The following NAV3 variants were observed in gnomAD, a reference collection of about 807,000 sequenced individuals.
The protein encoded by NAV3 is neuron navigator 3, also known as pore membrane and/or filament interacting like protein 1.
A neutral mutation model predicts 244.7 loss-of-function variants in NAV3; 87 were observed. The observed-to-expected ratio is 0.36, with a 90% confidence interval of 0.30 to 0.42. NAV3 has a LOEUF of 0.42. Among genes scored for constraint, NAV3 ranks in the 20% least tolerant of loss-of-function variants. NAV3 has a pLI of 1.00. For missense variants in NAV3, 2,663 were observed against 2,893.3 expected (o/e 0.92, Z 1.83); for synonymous variants, 1,126 against 1,042.2 (o/e 1.08, Z -1.55).
intron 2 of NAV3, among the ~76,000 whole-genome samples, chr12:77,603,644 T>A (rs1007116129): frequency 3.9e-5 from 6 of 152,110 alleles, no homozygotes; most frequent in Non-Finnish European, 8.8e-5. Context: ...AAGATGTAGA[T>A]CTGCTTTCAG....
intron 2 of NAV3, among the ~76,000 whole-genome samples, chr12:77,668,057 G>C (rs1280165358): frequency 6.6e-6 from 1 of 152,176 alleles, no homozygotes; most frequent in Non-Finnish European, 1.5e-5. Context: ...CTGCAGTTTG[G>C]CTCTCAGGAA....
At chr12:77,648,680 A>G (rs711125) in intron 2 of NAV3, among the ~76,000 whole-genome samples, 24,833 of 151,998 alleles carry the variant, frequency 0.16, 3,221 homozygotes, top group African/African-American at 0.36. Context: ...AAAGTTGGTG[A>G]CAATTTATTT....
chr12:77,797,251 G>A (rs1460102194), intron 2 of NAV3, among the ~76,000 whole-genome samples: 1 of 152,078 alleles, frequency 6.6e-6, no homozygotes, highest in Non-Finnish European at 1.5e-5. Flanking sequence ...GAAGCAAAGA[G>A]CTCAAATTGC....
At chr12:78,189,397 C>T (rs765762825) in intron 33 of NAV3, among the ~76,000 whole-genome samples, 5 of 151,618 alleles carry the variant, frequency 3.3e-5, no homozygotes, top group South Asian at 2.1e-4. Flanking sequence ...TAATTGAGTT[C>T]GTAAAATGAG....
At chr12:77,867,432 G>GT (rs1275841989) in intron 1 of NAV3, among the ~76,000 whole-genome samples, 1 of 151,360 alleles carries the variant, frequency 6.6e-6, no homozygotes, top group Admixed American at 6.6e-5. Context: ...GTTGTTGTTT[G>GT]TTTTTGAGAC....
At chr12:78,194,778 T>G (rs1959131063) in intron 34 of NAV3, among the ~76,000 whole-genome samples, 1 of 152,114 alleles carries the variant, frequency 6.6e-6, no homozygotes, top group Non-Finnish European at 1.5e-5. Flanking sequence ...ATGGATATCA[T>G]ATTTTCGTGT....
chr12:77,888,781 TAA>T (rs1366415138), intron 1 of NAV3, among the ~76,000 whole-genome samples: 33 of 152,318 alleles, frequency 2.2e-4, no homozygotes, highest in African/African-American at 6.5e-4. Flanking sequence ...CTGAATGTTC[TAA>T]GTCTTCAAAT....
At chr12:78,131,935 A>T (rs1167664252) in intron 18 of NAV3, among the ~76,000 whole-genome samples, 1 of 152,176 alleles carries the variant, frequency 6.6e-6, no homozygotes, top group Non-Finnish European at 1.5e-5. Context: ...GTAATTCGCA[A>T]CACAGTAACC....
At chr12:77,929,201 TATTA>T (rs1407137908) in intron 1 of NAV3, among the ~76,000 whole-genome samples, 2 of 152,232 alleles carry the variant, frequency 1.3e-5, no homozygotes, top group African/African-American at 4.8e-5. Flanking sequence ...GATTTTAATA[TATTA>T]ATTAAGGACT....
rs963629213 is a variant in NAV3, at chr12:77,626,582, A to G, written c.72+54316A>G. 3.9e-5 allele frequency among the ~76,000 whole-genome samples: 6 copies of G among 152,106 alleles called. 1 individual carries two copies. Among genetic ancestry groups the G allele is most frequent in the Non-Finnish European group, 8.8e-5 (6 of 67,998 alleles). ...TCCAGTCACATATAAGGGCATCTCC[A>G]TCAGACCAACATGGATTTTTCAACA... On this transcript the variant is annotated intron_variant, in intron 2 of 8. Transcript: ENST00000550042.
At chr12:77,597,985 A>G (rs1340045275) in intron 2 of NAV3, among the ~76,000 whole-genome samples, 1 of 152,036 alleles carries the variant, frequency 6.6e-6, no homozygotes, top group Non-Finnish European at 1.5e-5. Flanking sequence ...ACATTTGTGG[A>G]AAAGGCTCTG....
chr12:77,736,999 T>G (rs1877363768), intron 2 of NAV3, among the ~76,000 whole-genome samples: 1 of 152,064 alleles, frequency 6.6e-6, no homozygotes, highest in African/African-American at 2.4e-5. Flanking sequence ...ATTTTCCCCC[T>G]AAACTTTCCT....
intron 12 of NAV3, among the ~76,000 whole-genome samples, chr12:78,060,522 G>A (rs892668086): frequency 2.0e-5 from 3 of 152,088 alleles, no homozygotes; most frequent in African/African-American, 7.2e-5. Flanking sequence ...AAGTCCATGA[G>A]TGCAGAATTT....
At chr12:77,608,815 C>T (rs1279747468) in intron 2 of NAV3, among the ~76,000 whole-genome samples, 3 of 151,970 alleles carry the variant, frequency 2.0e-5, no homozygotes, top group Non-Finnish European at 4.4e-5. Flanking sequence ...GAGAACTACC[C>T]CTAGACTGGG....
intron 12 of NAV3, among the ~76,000 whole-genome samples, chr12:78,113,600 G>A (rs991025698): frequency 1.3e-5 from 2 of 152,076 alleles, no homozygotes; most frequent in African/African-American, 2.4e-5. Flanking sequence ...GGGTTGCAGG[G>A]CACCAAGTCC....
At chr12:77,583,565 A>G (rs1230509359) in intron 2 of NAV3, among the ~76,000 whole-genome samples, 1 of 152,226 alleles carries the variant, frequency 6.6e-6, no homozygotes, top group Non-Finnish European at 1.5e-5. Context: ...GGGGAAAACT[A>G]CAAAATGAGG....
intron 2 of NAV3, among the ~76,000 whole-genome samples, chr12:77,743,295 G>A (rs945393440): frequency 2.0e-5 from 3 of 151,878 alleles, no homozygotes; most frequent in Non-Finnish European, 4.4e-5. Context: ...CTAGTCAACA[G>A]TAGGCTAATA....
At chr12:77,984,131 TG>T in intron 5 of NAV3, among the ~76,000 whole-genome samples, 1 of 152,322 alleles carries the variant, frequency 6.6e-6, no homozygotes. Flanking sequence ...GGCTAAGTCC[TG>T]TGGGACTTAT....
In NAV3 at chr12:78,051,008, C is replaced by T. The variant is rs774887636; in HGVS notation, c.2377C>T (p.Leu793=). ...TCTCCGTCGAGCTGCTGTCTCTAGG[C>T]TGGGAAACATGTCACAGATTGACAT... is the stretch of plus-strand genomic sequence containing the variant. The part of the protein sequence containing the change: ...TPLRRAAVSR[L]GNMSQIDMSE... Residue 793 remains leucine, a synonymous_variant, in exon 11 of 40, where the codon CTG becomes TTG. Transcript: ENST00000397909. 6.2e-7 allele frequency: 1 copy of T among 1,614,104 alleles called. No homozygotes were observed. Among genetic ancestry groups the T allele is most frequent in the Non-Finnish European group, 8.5e-7 (1 of 1,180,004 alleles).
Sources: allele counts gnomAD v4.1 joint callset (sites outside exome capture counted in the v4.1 genomes callset), GRCh38; gene constraint gnomAD v4.1.1; transcripts MANE v1.5; gene names NCBI Gene and HGNC (gene_info 2026-07-23, HGNC 2026-07-21).